LRRTM3: variants seen among roughly 807,000 people sequenced by gnomAD.
The protein encoded by LRRTM3 is leucine-rich repeat transmembrane neuronal protein 3.
Under a neutral mutation model 44.7 loss-of-function variants are expected in LRRTM3, and 24 were observed. The ratio of observed to expected loss-of-function variants is 0.54; its 90% CI spans 0.39 to 0.76. The LOEUF (loss-of-function observed/expected upper bound fraction) is 0.76. Among genes scored for constraint, LRRTM3 ranks in the 30% least tolerant of loss-of-function variants. The pLI, the probability that LRRTM3 is intolerant of heterozygous loss-of-function variation, is 0.00. For synonymous variants in LRRTM3, 277 were observed against 278.7 expected (o/e 0.99, Z 0.06); for missense variants, 587 against 702.2 (o/e 0.84, Z 1.85).
intron 2 of LRRTM3, among the ~76,000 whole-genome samples, chr10:67,062,057 G>A (rs542378921): frequency 1.3e-5 from 2 of 152,228 alleles, no homozygotes; most frequent in African/African-American, 2.4e-5. Flanking sequence ...ATAGGAAGGG[G>A]AGGTAATAAT....
intron 2 of LRRTM3, among the ~76,000 whole-genome samples, chr10:67,084,565 G>A (rs1030135893): frequency 6.6e-6 from 1 of 151,830 alleles, no homozygotes; most frequent in Admixed American, 6.6e-5. Flanking sequence ...AAAATTTCCT[G>A]ATCCTACATT....
chr10:66,955,988 T>C (rs1237010074), intron 2 of LRRTM3, among the ~76,000 whole-genome samples: 1 of 152,098 alleles, frequency 6.6e-6, no homozygotes, highest in African/African-American at 2.4e-5. Context: ...AAAGGGGTGC[T>C]CAAATCTAAC....
chr10:67,090,739 C>T (rs888544292), intron 2 of LRRTM3, among the ~76,000 whole-genome samples: 1 of 151,976 alleles, frequency 6.6e-6, no homozygotes, highest in African/African-American at 2.4e-5. Context: ...GTCCAGGCCA[C>T]GCATCAACTG....
chr10:66,970,768 A>G (rs1476037942), intron 2 of LRRTM3, among the ~76,000 whole-genome samples: 1 of 152,122 alleles, frequency 6.6e-6, no homozygotes, highest in Non-Finnish European at 1.5e-5. Flanking sequence ...ATAACAAATG[A>G]TTGCCCAAGT....
chr10:67,010,904 C>T (rs555940451), intron 2 of LRRTM3, among the ~76,000 whole-genome samples: 1 of 152,176 alleles, frequency 6.6e-6, no homozygotes, highest in East Asian at 1.9e-4. Flanking sequence ...TCTTCTAAAC[C>T]TAACAATTGA....
At chr10:67,041,316 A>G (rs1451981167) in intron 2 of LRRTM3, among the ~76,000 whole-genome samples, 1 of 152,138 alleles carries the variant, frequency 6.6e-6, no homozygotes, top group African/African-American at 2.4e-5. Context: ...AGGCTCCCCA[A>G]GCTGCCCAAG....
chr10:67,009,610 TG>T (rs1200321497), intron 2 of LRRTM3, among the ~76,000 whole-genome samples: 1 of 152,164 alleles, frequency 6.6e-6, no homozygotes, highest in Non-Finnish European at 1.5e-5. Flanking sequence ...AATCTTCCAA[TG>T]TTTTTTGGGA....
At chr10:67,046,879 T>C (rs10762130) in intron 2 of LRRTM3, among the ~76,000 whole-genome samples, 53,617 of 151,922 alleles carry the variant, frequency 0.35, 11,171 homozygotes, top group East Asian at 0.51. Context: ...CCAAAGAAAA[T>C]TTGGGCACTG....
intron 2 of LRRTM3, among the ~76,000 whole-genome samples, chr10:66,996,575 C>A (rs1401425949): frequency 1.5e-5 from 2 of 133,924 alleles, no homozygotes; most frequent in Non-Finnish European, 3.0e-5. Flanking sequence ...TTGAACCCAG[C>A]AGGTAGAGGT....
rs116304165 is a variant in LRRTM3, at chr10:66,928,692, G to A, written c.1536+240G>A. ...ACAATCAATGTGAAGCTTGAACTCCGGTTTAATATAATACCTATTGTATAA... is the reference window on the plus strand; with the variant it reads ...ACAATCAATGTGAAGCTTGAACTCCAGTTTAATATAATACCTATTGTATAA... On this transcript the variant is annotated intron_variant, in intron 2 of 2. Coordinates refer to ENST00000361320, the MANE Select transcript of LRRTM3 (RefSeq NM_178011.5). Among the ~76,000 whole-genome samples, 988 of 152,192 alleles carry A rather than the reference G, an allele frequency of 6.5e-3. 10 individuals are homozygous for A. The highest frequency in any genetic ancestry group is 0.023 in the African/African-American group (936 of 41,524).
intron 2 of LRRTM3, among the ~76,000 whole-genome samples, chr10:66,937,338 G>A (rs1847762553): frequency 6.6e-6 from 1 of 151,952 alleles, no homozygotes; most frequent in Non-Finnish European, 1.5e-5. Flanking sequence ...ATTTTTCCTG[G>A]TACATTTCAT....
At chr10:67,062,973 G>GT (rs199866471) in intron 2 of LRRTM3, among the ~76,000 whole-genome samples, 1,867 of 150,120 alleles carry the variant, frequency 0.012, 41 homozygotes, top group African/African-American at 0.042. Flanking sequence ...TAATCGTTTT[G>GT]TTTTTTTTTC....
chr10:66,928,792 G>A (rs1266226761), intron 2 of LRRTM3, among the ~76,000 whole-genome samples: 1 of 152,102 alleles, frequency 6.6e-6, no homozygotes, highest in Non-Finnish European at 1.5e-5. Flanking sequence ...CCCCACATTC[G>A]CTGTTAGCCT....
chr10:67,040,154 T>C (rs558749825), intron 2 of LRRTM3, among the ~76,000 whole-genome samples: 6 of 152,260 alleles, frequency 3.9e-5, no homozygotes, highest in South Asian at 4.1e-4. Flanking sequence ...AAAATGTGCA[T>C]GTTAAGTGAA....
chr10:67,038,361 C>A (rs891025978), intron 2 of LRRTM3, among the ~76,000 whole-genome samples: 2 of 151,922 alleles, frequency 1.3e-5, no homozygotes, highest in Non-Finnish European at 2.9e-5. Flanking sequence ...CACTATATGT[C>A]AATTAATATC....
chr10:67,073,944 G>A (rs1206242625), intron 2 of LRRTM3, among the ~76,000 whole-genome samples: 2 of 151,086 alleles, frequency 1.3e-5, no homozygotes, highest in Non-Finnish European at 2.9e-5. Flanking sequence ...TAATAGCAGA[G>A]TTTCTAGGTT....
intron 2 of LRRTM3, among the ~76,000 whole-genome samples, chr10:66,983,031 G>A (rs1850533645): frequency 6.6e-6 from 1 of 152,206 alleles, no homozygotes; most frequent in South Asian, 2.1e-4. Context: ...GCAGGTTGCT[G>A]AGAGCAGCGA....
chr10:66,945,596 T>C (rs1344819164), intron 2 of LRRTM3, among the ~76,000 whole-genome samples: 1 of 152,212 alleles, frequency 6.6e-6, no homozygotes, highest in Non-Finnish European at 1.5e-5. Flanking sequence ...GTAGCACTTT[T>C]CATTTTCTTC....
At chr10:66,937,464 T>C (rs1363299001) in intron 2 of LRRTM3, among the ~76,000 whole-genome samples, 1 of 152,186 alleles carries the variant, frequency 6.6e-6, no homozygotes, top group Non-Finnish European at 1.5e-5. Flanking sequence ...TAGTTCCAAC[T>C]GCTAAAAATC....
Sources: gnomAD v4.1 joint callset for allele counts (sites outside exome capture counted in the v4.1 genomes callset) on GRCh38, gnomAD v4.1.1 for gene constraint, MANE v1.5 for transcripts, NCBI Gene and HGNC (gene_info 2026-07-23, HGNC 2026-07-21) for gene names.